The following ACSF2 variants were observed in gnomAD, a reference collection of about 807,000 sequenced individuals.
ACSF2 encodes the protein acyl-CoA synthetase family member 2, also known as medium-chain acyl-CoA ligase ACSF2, mitochondrial.
In ACSF2, 52 loss-of-function variants were observed where a neutral mutation model predicts 79.3. The observed-to-expected ratio is 0.66, with a 90% CI of 0.53 to 0.83. The LOEUF is 0.83. Ranked by LOEUF, ACSF2 falls within the 40% of genes least tolerant of loss-of-function variation. The pLI is 0.00. For synonymous variants in ACSF2, 283 were observed against 312.6 expected, an observed-to-expected ratio of 0.91 and a Z score of 1.00; for missense variants, 661 against 803.3, an observed-to-expected ratio of 0.82 and a Z score of 2.14.
At chr17:50,455,018 G>A (rs1280047522) in intron 1 of ACSF2, among the ~76,000 whole-genome samples, 1 of 152,182 alleles carries the variant, frequency 6.6e-6, no homozygotes, top group African/African-American at 2.4e-5. Flanking sequence ...CTGAACACCT[G>A]CCGTCCGGCT....
At chr17:50,456,782 A>C (rs1056694925) in intron 1 of ACSF2, among the ~76,000 whole-genome samples, 1 of 150,120 alleles carries the variant, frequency 6.7e-6, no homozygotes, top group Non-Finnish European at 1.5e-5. Flanking sequence ...CCTGGTGGCC[A>C]GGTGCGGTGG....
intron 9 of ACSF2, 100 bp downstream of exon 9, chr17:50,464,009 G>T: frequency 8.6e-7 from 1 of 1,164,494 alleles, no homozygotes; most frequent in South Asian, 1.3e-5. Context: ...TTTATATAGG[G>T]GGCAAGAAGG....
chr17:50,466,175 C>T (rs1245350166), intron 10 of ACSF2, among the ~76,000 whole-genome samples: 1 of 151,376 alleles, frequency 6.6e-6, no homozygotes, highest in Non-Finnish European at 1.5e-5. Context: ...CAAGCTCCGC[C>T]TCCCGGGTTC....
rs781059538 is a variant in ACSF2 at position 50,464,192 on chromosome 17, CTG to C, written c.1139-22_1139-21del. 7.4e-6 allele frequency: 12 copies of C among 1,611,152 alleles called. No homozygotes were observed. In the South Asian group the frequency reaches 1.3e-4, roughly 18 times the overall value. On this transcript the variant is annotated intron_variant, in intron 9 of 15. Coordinates refer to ENST00000300441, the MANE Select transcript of ACSF2 (RefSeq NM_025149.6). ...CCACTGGGCCTGGAGAATTGGGGAG[CTG>C]TGTCAGCCCTCTCTCTGATTCAGGT...
rs7342934 is a variant in ACSF2, at chr17:50,461,951, T to C, written c.508-233T>C. 6.9e-3 allele frequency among the ~76,000 whole-genome samples: 1,042 copies of C among 150,476 alleles called. 7 individuals are homozygous for C. The highest frequency in any genetic ancestry group is 9.5e-3 in the Non-Finnish European group (643 of 67,666). ...AGGTGTGTGTGTGTGTGTGTGTGTGTGCGTGTGTCCATCCTCATATGTGAT... is the reference window on the plus strand; with the variant it reads ...AGGTGTGTGTGTGTGTGTGTGTGTGCGCGTGTGTCCATCCTCATATGTGAT... On this transcript the variant is annotated intron_variant, in intron 4 of 15. Coordinates refer to ENST00000300441, the MANE Select transcript of ACSF2 (RefSeq NM_025149.6).
At chr17:50,432,461 A>G (rs542339116) in intron 1 of ACSF2, among the ~76,000 whole-genome samples, 2 of 152,280 alleles carry the variant, frequency 1.3e-5, no homozygotes, top group South Asian at 4.1e-4. Flanking sequence ...AGGGTAAACT[A>G]CCTAAGCAAA....
At chr17:50,472,726 A>T (rs1366656160) in intron 12 of ACSF2, 147 bp downstream of exon 12, 3 of 940,396 alleles carry the variant, frequency 3.2e-6, no homozygotes. Flanking sequence ...TCCAAAATGT[A>T]TACGGTGGGG....
chr17:50,440,269 T>C (rs1343881077), intron 1 of ACSF2, among the ~76,000 whole-genome samples: 1 of 151,442 alleles, frequency 6.6e-6, no homozygotes, highest in African/African-American at 2.4e-5. Flanking sequence ...GCATGGGGAC[T>C]GTTCCTGCAG....
chr17:50,467,966 G>T (rs1178408350), intron 10 of ACSF2: 3 of 1,463,670 alleles, frequency 2.0e-6, no homozygotes, highest in African/African-American at 2.8e-5. Context: ...GATGGTGCCA[G>T]CTGTGGCCCT....
At chr17:50,462,849 TA>T (rs954592373) in intron 6 of ACSF2, 19 of 583,466 alleles carry the variant, frequency 3.3e-5, no homozygotes, top group Admixed American at 6.3e-5. Flanking sequence ...TTGGAACTGC[TA>T]CAGGCTGCCC....
chr17:50,465,874 G>C, intron 10 of ACSF2: 1 of 1,613,158 alleles, frequency 6.2e-7, no homozygotes, highest in Non-Finnish European at 8.5e-7. Context: ...CTGAGAACTG[G>C]GGAGCAAGGT....
intron 1 of ACSF2, among the ~76,000 whole-genome samples, chr17:50,444,616 C>G (rs1001458009): frequency 8.4e-5 from 12 of 143,080 alleles, no homozygotes; most frequent in African/African-American, 3.2e-4. Context: ...TTCCCCAGCC[C>G]CCGAGTTTCT....
In ACSF2 at chr17:50,474,308, C is replaced by G. The variant is rs779360662; in HGVS notation, c.1797+41C>G. On this transcript the variant is annotated intron_variant, in intron 15 of 15. Transcript: ENST00000300441. The surrounding 1 kb of genome is among the most constrained non-coding windows in gnomAD (Gnocchi z 4.2). Reference sequence around the variant, plus strand: ...GAGGCTGGGGAGGGCAGCCTGGGCTCTGGGGCCCCATAGGGCCCCACCTCT... The same window carrying G: ...GAGGCTGGGGAGGGCAGCCTGGGCTGTGGGGCCCCATAGGGCCCCACCTCT... The G allele has an allele frequency of 1.9e-6, 3 of 1,610,952 alleles. No homozygotes were observed. The highest frequency in any genetic ancestry group is 2.7e-5 in the African/African-American group (2 of 74,848).
chr17:50,472,419 C>A lies in ACSF2; in HGVS notation c.1324-9C>A, dbSNP rs1444439467. On this transcript the variant is annotated splice_polypyrimidine_tract_variant and intron_variant, in intron 11 of 15. Transcript: ENST00000300441. ...TAGGAAGCCCCAACCTGAGGCCATC[C>A]TGTCCCAGGCCCGGATCATGAACAT... is the stretch of plus-strand genomic sequence containing the variant. The A allele has an allele frequency of 2.5e-6, 4 of 1,609,512 alleles. No homozygotes were observed. In the South Asian group the frequency reaches 3.3e-5, roughly 13 times the overall value.
At chr17:50,437,275 T>C (rs187366783) in intron 1 of ACSF2, among the ~76,000 whole-genome samples, 1 of 152,194 alleles carries the variant, frequency 6.6e-6, no homozygotes. Flanking sequence ...AGAGTGAATA[T>C]GTTGAATGAG....
At chr17:50,426,872 C>T (rs1210102033) in intron 1 of ACSF2, 1 of 1,533,330 alleles carries the variant, frequency 6.5e-7, no homozygotes, top group Non-Finnish European at 8.7e-7. Context: ...TTCTTTGCTG[C>T]CTACTCCTGG....
intron 1 of ACSF2, among the ~76,000 whole-genome samples, chr17:50,451,131 A>C (rs2031649496): frequency 1.3e-5 from 2 of 152,048 alleles, no homozygotes; most frequent in Non-Finnish European, 2.9e-5. Context: ...TAGAGATGGA[A>C]TCTCACTATG....
chr17:50,466,820 A>G (rs1408737820), intron 10 of ACSF2, among the ~76,000 whole-genome samples: 1 of 152,088 alleles, frequency 6.6e-6, no homozygotes, highest in Non-Finnish European at 1.5e-5. Context: ...CCTGCCCCAA[A>G]CCAGCCCCTA....
At chr17:50,444,232 A>G (rs1448111047) in intron 1 of ACSF2, among the ~76,000 whole-genome samples, 1 of 152,178 alleles carries the variant, frequency 6.6e-6, no homozygotes, top group Non-Finnish European at 1.5e-5. Context: ...TAATCTAGAT[A>G]AGTGATCAAA....
Sources: allele counts gnomAD v4.1 joint callset (sites outside exome capture counted in the v4.1 genomes callset), GRCh38; gene constraint gnomAD v4.1.1; non-coding constraint Gnocchi (gnomAD v3.1); transcripts MANE v1.5; gene names NCBI Gene and HGNC (gene_info 2026-07-23, HGNC 2026-07-21).